C11orf65: variants seen among roughly 807,000 people sequenced by gnomAD.
C11orf65 encodes the protein protein MFI.
C11orf65 carries 38 observed loss-of-function variants against 35.3 expected under a neutral mutation model. The observed-to-expected ratio is 1.08, with a 90% CI of 0.83 to 1.41. The LOEUF (loss-of-function observed/expected upper bound fraction) is 1.41, where lower values mean the gene tolerates loss of function less well. C11orf65 is among the 40% of genes most tolerant of loss of function. The probability of loss-of-function intolerance (pLI) is 0.00; values close to 1 mark genes in which losing one functional copy is unlikely to be tolerated. For synonymous variants in C11orf65, 105 were observed against 114.4 expected (o/e 0.92, Z 0.53); for missense variants, 370 against 367.1 (o/e 1.01, Z -0.06).
chr11:108,393,227 T>C lies in C11orf65; in HGVS notation c.712A>G (p.Asn238Asp), dbSNP rs1408116457. 5 of 1,613,862 alleles carry C rather than the reference T, an allele frequency of 3.1e-6. No homozygotes were observed. The African/African-American group carries it at 5.3e-5, about 17-fold the overall frequency. ...ACTTACTCATCAAAGTTCAGTGTAT[T>C]TGTCCAGTTCAGCACTTCATCCACT... ...WEVDEVLNWT[N>D]TLNFDEYIAS... The change falls in exon 7 of 9, where the codon AAT becomes GAT. Residue 238 changes from asparagine (N) to aspartate (D), a missense_variant. Coordinates refer to ENST00000393084, the MANE Select transcript of C11orf65 (RefSeq NM_152587.5).
intron 6 of C11orf65, among the ~76,000 whole-genome samples, chr11:108,323,146 G>A (rs2085353350): frequency 2.0e-5 from 3 of 152,178 alleles, no homozygotes; most frequent in Admixed American, 2.0e-4. Context: ...AAAAGAGAAG[G>A]AAATTTTAGA....
intron 2 of C11orf65, among the ~76,000 whole-genome samples, chr11:108,360,381 G>A (rs1397160216): frequency 2.0e-5 from 3 of 150,120 alleles, no homozygotes; most frequent in African/African-American, 7.4e-5. Context: ...GGAGGAACTG[G>A]TACCATTCCT....
chr11:108,328,630 A>G (rs561124883), downstream of C11orf65, among the ~76,000 whole-genome samples: 11 of 152,322 alleles, frequency 7.2e-5, no homozygotes, highest in East Asian at 2.1e-3. Context: ...CTACACTGTC[A>G]AAGTTGTTTT....
intron 2 of C11orf65, among the ~76,000 whole-genome samples, chr11:108,374,144 C>G (rs1012490122): frequency 2.0e-5 from 3 of 152,156 alleles, no homozygotes; most frequent in African/African-American, 7.2e-5. Flanking sequence ...GTGGTTCTCC[C>G]AGCACGCAGT....
At chr11:108,426,803 T>C (rs985167488) in intron 3 of C11orf65, among the ~76,000 whole-genome samples, 2 of 151,962 alleles carry the variant, frequency 1.3e-5, no homozygotes, top group East Asian at 1.9e-4. Flanking sequence ...AAAACAGATA[T>C]ATAAACCAAT....
downstream of C11orf65, among the ~76,000 whole-genome samples, chr11:108,378,104 CTT>C (rs1288323477): frequency 3.9e-5 from 6 of 152,070 alleles, no homozygotes; most frequent in Non-Finnish European, 7.4e-5. Context: ...CTACCAATGA[CTT>C]TCTTCACAGA....
At chr11:108,456,606 A>G (rs2093413573) in intron 2 of C11orf65, among the ~76,000 whole-genome samples, 1 of 151,758 alleles carries the variant, frequency 6.6e-6, no homozygotes, top group Non-Finnish European at 1.5e-5. Flanking sequence ...ACATACCTAG[A>G]CCCTGTCTCT....
Position 108,383,137 on chromosome 11 carries a change from A to G in C11orf65, c.826T>C (p.Tyr276His). ...TGCATCTTTGATATGTCTCCTCCATAGTTATATATGTTTTTCTGTGCTTGA... is the reference window on the plus strand; with the variant it reads ...TGCATCTTTGATATGTCTCCTCCATGGTTATATATGTTTTTCTGTGCTTGA... ...FNQAQKNIYN[Y>H]GGDISKMQMG... Residue 276 changes from tyrosine (Y) to histidine (H), a missense_variant, in exon 9 of 9, where the codon TAT becomes CAT. Tyr to His is a moderately conservative substitution (Grantham distance 83, BLOSUM62 2). Transcript: ENST00000393084. The G allele has an allele frequency of 6.2e-7, 1 of 1,606,720 alleles. No individual in the cohort carries two copies.
chr11:108,312,697 T>C (rs2084280877), intron 6 of C11orf65, among the ~76,000 whole-genome samples: 1 of 152,192 alleles, frequency 6.6e-6, no homozygotes, highest in African/African-American at 2.4e-5. Flanking sequence ...CTCTGCCACT[T>C]CTTGAGTTCC....
intron 2 of C11orf65, chr11:108,367,457 C>G (rs1469530298): frequency 2.5e-5 from 5 of 201,876 alleles, no homozygotes; most frequent in Non-Finnish European, 5.1e-5. Flanking sequence ...TTCTCTGTCC[C>G]CCAGCTGTCA....
In C11orf65 at chr11:108,349,393, G is replaced by A. The variant is rs139608628; in HGVS notation, c.227-14101C>T. 5.0e-3 allele frequency among the ~76,000 whole-genome samples: 760 copies of A among 151,870 alleles called. 9 individuals are homozygous for A. The highest frequency in any genetic ancestry group is 0.017 in the African/African-American group (694 of 41,392). ...TAAGAATGTGGAATCTGCCAGGCGC[G>A]GTGGATCACACCTGTAATCCCAACA... is the stretch of plus-strand genomic sequence containing the variant. On this transcript the variant is annotated intron_variant, in intron 2 of 3. Transcript: ENST00000524755.
intron 2 of C11orf65, among the ~76,000 whole-genome samples, chr11:108,455,128 G>T (rs1395289206): frequency 6.6e-6 from 1 of 152,038 alleles, no homozygotes; most frequent in African/African-American, 2.4e-5. Context: ...CATATGACAA[G>T]CCCACAGCTA....
rs1226186392 is a variant in C11orf65 at position 108,331,916 on chromosome 11, C to A, written c.300-349G>T. 1.9e-6 allele frequency: 3 copies of A among 1,613,944 alleles called. No individual in the cohort carries two copies. The highest frequency in any genetic ancestry group is 1.7e-6 in the Non-Finnish European group (2 of 1,179,894). The stretch of plus-strand genomic sequence containing the variant: ...ATTTCAATGGATCACCCCCATCACA[C>A]TTTGTTTATTATACTGGCCTTAGCA... On this transcript the variant is annotated intron_variant, in intron 3 of 3. Coordinates refer to the C11orf65 transcript ENST00000524755.
At chr11:108,416,958 A>T (rs1412445626) in intron 3 of C11orf65, among the ~76,000 whole-genome samples, 3 of 152,172 alleles carry the variant, frequency 2.0e-5, no homozygotes, top group Non-Finnish European at 4.4e-5. Context: ...TGTCTGGGAG[A>T]AGATAAAAAT....
Position 108,385,870 on chromosome 11 carries a change from A to C in C11orf65, c.787+50T>G, listed in dbSNP as rs763326003. On this transcript the variant is annotated intron_variant, in intron 8 of 8. Transcript: ENST00000393084. The stretch of plus-strand genomic sequence containing the variant: ...GCCTAGAAATACGTGTGTGGAATGT[A>C]TTTTTTGTTCATGAGAATTTCCTAT... 12 of 1,461,326 alleles carry C rather than the reference A, an allele frequency of 8.2e-6. 1 individual carries two copies. The Admixed American group carries it at 1.9e-4, about 23-fold the overall frequency. 90.5% of individuals were successfully genotyped at this position (1,461,326 alleles called of 1,614,324 possible). A position where few individuals can be genotyped will look rare whatever the true frequency, so the allele number is the denominator to read the frequency against.
At chr11:108,327,785 A>G (rs772522124), downstream of C11orf65, 29 of 1,503,388 alleles carry the variant, frequency 1.9e-5, no homozygotes, top group Non-Finnish European at 2.6e-5. Flanking sequence ...AACCCTTAAG[A>G]TAGTTACTTA....
intron 2 of C11orf65, among the ~76,000 whole-genome samples, chr11:108,353,588 CACAG>C (rs1242767560): frequency 3.3e-5 from 5 of 152,164 alleles, no homozygotes; most frequent in African/African-American, 4.8e-5. Context: ...AGGTGGATCT[CACAG>C]ACAGTGACAA....
chr11:108,465,678 TA>T (rs2093526174), intron 1 of C11orf65, among the ~76,000 whole-genome samples: 1 of 150,114 alleles, frequency 6.7e-6, no homozygotes, highest in Admixed American at 6.8e-5. Flanking sequence ...GAGAATGGAT[TA>T]AAGGTTTTTT....
At chr11:108,343,109 A>C in intron 2 of C11orf65, 1 of 1,338,006 alleles carries the variant, frequency 7.5e-7, no homozygotes, top group South Asian at 1.2e-5. Flanking sequence ...GGACAGAGAA[A>C]TATTAATACA....
Sources: gnomAD v4.1 joint callset for allele counts (sites outside exome capture counted in the v4.1 genomes callset) on GRCh38, gnomAD v4.1.1 for gene constraint, MANE v1.5 for transcripts, NCBI Gene and HGNC (gene_info 2026-07-23, HGNC 2026-07-21) for gene names.